The following KRABD5 variants were observed in gnomAD, a reference collection of about 807,000 sequenced individuals.
KRABD5 encodes KRAB domain-containing protein 5.
At chr16:31,753,056 A>G in the KRABD5 span, among the ~76,000 whole-genome samples, 1 of 152,126 alleles carries the variant, frequency 6.6e-6, no homozygotes, top group Admixed American at 6.6e-5. Context: ...ATCAAGTAAG[A>G]GACAGCTACC....
chr16:31,722,609 A>G, the KRABD5 span: 44 of 1,611,980 alleles, frequency 2.7e-5, no homozygotes, highest in Admixed American at 5.0e-5. Flanking sequence ...TCAATGTGCT[A>G]TTTATTTTTA....
At chr16:31,730,307 A>G in the KRABD5 span, among the ~76,000 whole-genome samples, 1 of 151,598 alleles carries the variant, frequency 6.6e-6, no homozygotes, top group Non-Finnish European at 1.5e-5. Flanking sequence ...TGTATAGCCT[A>G]CTTAGTTGTC....
chr16:31,716,225 C>A, the KRABD5 span, among the ~76,000 whole-genome samples: 1 of 152,280 alleles, frequency 6.6e-6, no homozygotes, highest in Non-Finnish European at 1.5e-5. Context: ...GGCTTGTGGA[C>A]CACCCAGTCA....
chr16:31,742,435 G>C, the KRABD5 span, among the ~76,000 whole-genome samples: 630 of 152,244 alleles, frequency 4.1e-3, 3 homozygotes, highest in African/African-American at 0.015. Flanking sequence ...CCCTGTGTTA[G>C]TTTGCTGAGG....
chr16:31,718,015 G>C, the KRABD5 span, among the ~76,000 whole-genome samples: 3 of 152,130 alleles, frequency 2.0e-5, no homozygotes, highest in Non-Finnish European at 4.4e-5. Flanking sequence ...ACCTGAAACC[G>C]ATTCAGAGAC....
chr16:31,750,437 T>C, the KRABD5 span, among the ~76,000 whole-genome samples: 1 of 152,208 alleles, frequency 6.6e-6, no homozygotes, highest in South Asian at 2.1e-4. Flanking sequence ...AGGAGCCTTT[T>C]GGCACAGTCT....
the KRABD5 span, chr16:31,723,174 T>C: frequency 7.2e-7 from 1 of 1,396,570 alleles, no homozygotes; most frequent in Non-Finnish European, 9.8e-7. Flanking sequence ...TCCTCTATAA[T>C]GTTCCCTCTT....
chr16:31,746,532 C>T, the KRABD5 span, among the ~76,000 whole-genome samples: 1 of 152,176 alleles, frequency 6.6e-6, no homozygotes, highest in African/African-American at 2.4e-5. Context: ...GCCTTTCTTT[C>T]TGGCTGCCCT....
chr16:31,718,534 T>C, the KRABD5 span, among the ~76,000 whole-genome samples: 1 of 152,170 alleles, frequency 6.6e-6, no homozygotes, highest in East Asian at 1.9e-4. Context: ...GCAGAATCTG[T>C]AAGTGTAAAG....
the KRABD5 span, chr16:31,755,368 C>A: frequency 4.0e-6 from 2 of 500,438 alleles, no homozygotes; most frequent in South Asian, 1.5e-5. Context: ...GAATTCATAC[C>A]GGAGAGAAAC....
the KRABD5 span, among the ~76,000 whole-genome samples, chr16:31,728,482 C>G: frequency 6.6e-6 from 1 of 151,434 alleles, no homozygotes; most frequent in Non-Finnish European, 1.5e-5. Context: ...GTTTTGGTTT[C>G]TTGTGTTTCC....
At chr16:31,729,063 C>T in the KRABD5 span, among the ~76,000 whole-genome samples, 1 of 152,156 alleles carries the variant, frequency 6.6e-6, no homozygotes, top group African/African-American at 2.4e-5. Flanking sequence ...TTTTGTCAGA[C>T]AGCCTGTTTT....
the KRABD5 span, chr16:31,753,642 G>A: frequency 1.9e-5 from 17 of 906,130 alleles, no homozygotes; most frequent in South Asian, 2.6e-5. Flanking sequence ...AAACAAAGGG[G>A]CCTCAAGTTT....
chr16:31,753,848 T>C, the KRABD5 span: 4 of 1,551,280 alleles, frequency 2.6e-6, no homozygotes, highest in South Asian at 2.4e-5. Flanking sequence ...TGGATGGATA[T>C]GGGAGCTGTG....
At chr16:31,724,416 G>A in the KRABD5 span, among the ~76,000 whole-genome samples, 1 of 152,048 alleles carries the variant, frequency 6.6e-6, no homozygotes, top group Non-Finnish European at 1.5e-5. Flanking sequence ...GGCCGGGCGC[G>A]GTGGCTCACG....
At chr16:31,715,394 A>G in the KRABD5 span, among the ~76,000 whole-genome samples, 2 of 152,132 alleles carry the variant, frequency 1.3e-5, no homozygotes, top group Admixed American at 1.3e-4. Flanking sequence ...ACAAAAAGGA[A>G]GGGGGATTTC....
the KRABD5 span, among the ~76,000 whole-genome samples, chr16:31,742,470 G>A: frequency 2.0e-5 from 3 of 152,066 alleles, no homozygotes; most frequent in African/African-American, 4.8e-5. Flanking sequence ...CTTCATTCAC[G>A]TCCCTGCAAA....
chr16:31,727,249 T>C, the KRABD5 span, among the ~76,000 whole-genome samples: 1 of 152,248 alleles, frequency 6.6e-6, no homozygotes, highest in East Asian at 1.9e-4. Flanking sequence ...TCTTCGTTGC[T>C]GATATGAGTG....
the KRABD5 span, among the ~76,000 whole-genome samples, chr16:31,716,772 T>G: frequency 2.0e-5 from 3 of 152,208 alleles, no homozygotes; most frequent in Non-Finnish European, 2.9e-5. Flanking sequence ...GTCCATTAAT[T>G]CAAGATTATG....
Sources: gnomAD v4.1 joint callset for allele counts (sites outside exome capture counted in the v4.1 genomes callset) on GRCh38, gnomAD v4.1.1 for gene constraint, MANE v1.5 for transcripts, NCBI Gene and HGNC (gene_info 2026-07-23, HGNC 2026-07-21) for gene names.